Variants in RNASET2 observed in about 807,000 individuals in gnomAD.
The protein encoded by RNASET2 is ribonuclease T2, also known as ribonuclease 6.
Under a neutral mutation model 33.9 loss-of-function variants are expected in RNASET2, and 28 were observed. That is an observed-to-expected ratio of 0.83 (90% CI 0.61 to 1.13). RNASET2 has a LOEUF of 1.13. Among genes scored for constraint, RNASET2 ranks in the 50% most tolerant of loss-of-function variants. The pLI is 0.00. For synonymous variants in RNASET2, 123 were observed against 121.0 expected (o/e 1.02, Z -0.11); for missense variants, 330 against 319.9 (o/e 1.03, Z -0.24).
At chr6:166,952,205 C>T (rs1382106531) in intron 2 of RNASET2, among the ~76,000 whole-genome samples, 1 of 152,228 alleles carries the variant, frequency 6.6e-6, no homozygotes, top group Non-Finnish European at 1.5e-5. Context: ...CAGGAGGAAC[C>T]AACCCTTCTG....
Position 166,926,836 on chromosome 6 carries a change from CGGGTCCTCTTTTCCAT to C in RNASET2, c.*2736_*2751del, listed in dbSNP as rs947169358. 6.6e-6 allele frequency among the ~76,000 whole-genome samples: 1 copy of C among 152,192 alleles called. No homozygotes were observed. Among genetic ancestry groups the C allele is most frequent in the Non-Finnish European group, 1.5e-5 (1 of 68,036 alleles). On this transcript the variant is annotated 3_prime_UTR_variant, in exon 9 of 9. Coordinates refer to ENST00000508775, the MANE Select transcript of RNASET2 (RefSeq NM_003730.6). ...CCACTCATCCCTGTGGCCTAGTCCA[CGGGTCCTCTTTTCCAT>C]GGTGCCGCAGAGATGCTCCAGGCAG...
intron 8 of RNASET2, 101 bp from the exon 9 acceptor site, chr6:166,929,892 C>A: frequency 1.8e-6 from 2 of 1,129,326 alleles, no homozygotes; most frequent in Non-Finnish European, 2.6e-6. Context: ...ATAACAAAAG[C>A]AGAGGCTCCA....
intron 8 of RNASET2, among the ~76,000 whole-genome samples, chr6:166,930,482 C>G (rs572852016): frequency 1.3e-5 from 2 of 149,788 alleles, no homozygotes; most frequent in East Asian, 3.9e-4. Flanking sequence ...CACACACACA[C>G]GCACATGCCC....
chr6:166,936,787 C>T (rs150619087), intron 6 of RNASET2, among the ~76,000 whole-genome samples: 60 of 152,364 alleles, frequency 3.9e-4, no homozygotes, highest in African/African-American at 1.3e-3. Flanking sequence ...CAAACCATAG[C>T]AGGAAAGCTA....
chr6:166,929,246 G>A lies in RNASET2; in HGVS notation c.*342C>T, dbSNP rs1778361073. Reference sequence around the variant, plus strand: ...GCGCCAAGAAGGCAACAGGCTCCGAGGGGAAAACTCGAGCAAGAGAGTCCC... The same window carrying A: ...GCGCCAAGAAGGCAACAGGCTCCGAAGGGAAAACTCGAGCAAGAGAGTCCC... On this transcript the variant is annotated 3_prime_UTR_variant, in exon 9 of 9. Coordinates refer to ENST00000508775, the MANE Select transcript of RNASET2 (RefSeq NM_003730.6). 2.6e-5 allele frequency among the ~76,000 whole-genome samples: 4 copies of A among 152,210 alleles called. No individual in the cohort carries two copies. Among genetic ancestry groups the A allele is most frequent in the Admixed American group, 2.6e-4 (4 of 15,286 alleles).
rs1434152025 is a variant in RNASET2, at chr6:166,931,051, G to C, written c.560C>G (p.Pro187Arg). ...AAAACATAACTGTCTAACCTGGCTTGGTGGAAGGCACTGGATTTTGGGTAT... is the reference window on the plus strand; with the variant it reads ...AAAACATAACTGTCTAACCTGGCTTCGTGGAAGGCACTGGATTTTGGGTAT... Reference protein sequence around the residue: ...GVIPKIQCLPPSQDEEVQTIG... With the variant: ...GVIPKIQCLPRSQDEEVQTIG... Residue 187 changes from proline to arginine, a missense_variant, in exon 8 of 9, where the codon CCA (proline) becomes CGA (arginine). Transcript: ENST00000508775. 1 of 1,609,518 alleles carries C rather than the reference G, an allele frequency of 6.2e-7. No homozygotes were observed. The highest frequency in any genetic ancestry group is 1.3e-5 in the African/African-American group (1 of 74,798).
At chr6:166,930,864 G>GCACATGCACACATGCATGTACACACA (rs1307751388) in intron 8 of RNASET2, among the ~76,000 whole-genome samples, 180 bp downstream of exon 8, 14 of 148,152 alleles carry the variant, frequency 9.4e-5, no homozygotes, top group Admixed American at 7.4e-4. Context: ...TGCACACACA[G>GCACATGCACACATGCATGTACACACA]CACATGCACA....
intron 8 of RNASET2, among the ~76,000 whole-genome samples, chr6:166,930,623 G>A (rs1463938675): frequency 2.1e-5 from 3 of 139,734 alleles, no homozygotes; most frequent in African/African-American, 2.7e-5. Flanking sequence ...TGCACACACA[G>A]CACATGCCCA....
In RNASET2 at chr6:166,927,732, A is replaced by AAAAAAAAAAAAAAT. The variant is rs1273075849; in HGVS notation, c.*1855_*1856insATTTTTTTTTTTTT. 6.6e-6 allele frequency among the ~76,000 whole-genome samples: 1 copy of AAAAAAAAAAAAAAT among 151,640 alleles called. No individual in the cohort carries two copies. The highest frequency in any genetic ancestry group is 6.6e-5 in the Admixed American group (1 of 15,226). ...ATGACTCAAAAAAAAAAAAAAAAAAAAAAAGAATTGACATCATTTAAAGGA... is the reference window on the plus strand; with the variant it reads ...ATGACTCAAAAAAAAAAAAAAAAAAAAAAAAAAAAAAAATAAAAGAATTGACATCATTTAAAGGA... On this transcript the variant is annotated 3_prime_UTR_variant, in exon 9 of 9. Coordinates refer to ENST00000508775, the MANE Select transcript of RNASET2 (RefSeq NM_003730.6).
At chr6:166,949,827 G>A (rs1778940026) in intron 2 of RNASET2, among the ~76,000 whole-genome samples, 1 of 152,188 alleles carries the variant, frequency 6.6e-6, no homozygotes, top group Non-Finnish European at 1.5e-5. Context: ...CCTGCATGGA[G>A]CTGTGGGAGA....
intron 7 of RNASET2, chr6:166,932,955 T>G (rs186771697): frequency 1.3e-5 from 2 of 152,224 alleles, no homozygotes; most frequent in Admixed American, 1.3e-4. Context: ...CTTCCTCAAG[T>G]CCACTGCTCC....
chr6:166,938,826 C>T (rs754111840), intron 6 of RNASET2, 69 bp downstream of exon 6: 1 of 1,106,812 alleles, frequency 9.0e-7, no homozygotes, highest in Middle Eastern at 2.0e-4. Context: ...CCCCTGGATC[C>T]AGCTGTCAGG....
chr6:166,931,774 A>C (rs927972135), intron 7 of RNASET2: 1 of 156,144 alleles, frequency 6.4e-6, no homozygotes, highest in African/African-American at 2.4e-5. Flanking sequence ...TTTGGGGGGC[A>C]CCAAGCTGGG....
intron 2 of RNASET2, among the ~76,000 whole-genome samples, chr6:166,951,091 A>C (rs1778973402): frequency 6.6e-6 from 1 of 152,190 alleles, no homozygotes; most frequent in African/African-American, 2.4e-5. Flanking sequence ...AAGGAGTGTG[A>C]GTCATCTCCA....
Position 166,924,922 on chromosome 6 carries a change from A to T in RNASET2, c.*4666T>A, listed in dbSNP as rs568274883. Among the ~76,000 whole-genome samples, 8 of 152,260 alleles carry T rather than the reference A, an allele frequency of 5.3e-5. No individual in the cohort carries two copies. ...GGCGGCTCATAGGAAGGGTTGAAAA[A>T]AGTGTGGAATGAATCAATAAACAGC... On this transcript the variant is annotated 3_prime_UTR_variant, in exon 9 of 9. Transcript: ENST00000508775.
chr6:166,940,648 T>C (rs940147205), intron 5 of RNASET2, among the ~76,000 whole-genome samples: 1 of 152,180 alleles, frequency 6.6e-6, no homozygotes, highest in African/African-American at 2.4e-5. Flanking sequence ...TCAGCCATCA[T>C]TATTCCTGGA....
rs143517894 is a variant in RNASET2 at position 166,938,764 on chromosome 6, C to T, written c.446+131G>A. On this transcript the variant is annotated intron_variant, in intron 6 of 8. Transcript: ENST00000508775. ...ATTCCTCAGGAATGATCCCAGTAGC[C>T]GAATAGTGCACATGCAGAAGCTGCT... The T allele has an allele frequency of 3.3e-3, 2,578 of 775,176 alleles. 7 individuals are homozygous for T. Among genetic ancestry groups the T allele is most frequent in the Non-Finnish European group, 4.6e-3 (1,919 of 418,062 alleles). The allele number at this position is 775,176 out of a possible 1,614,324, so 48.0% of individuals were successfully genotyped here.
At chr6:166,955,320 C>G (rs1222610438) in intron 1 of RNASET2, among the ~76,000 whole-genome samples, 2 of 48,076 alleles carry the variant, frequency 4.2e-5, no homozygotes, top group African/African-American at 1.6e-4. Context: ...CACACACGCA[C>G]ACACACGCAC....
chr6:166,937,535 TA>T (rs1471717740), intron 6 of RNASET2, among the ~76,000 whole-genome samples: 3 of 152,234 alleles, frequency 2.0e-5, no homozygotes, highest in African/African-American at 7.2e-5. Context: ...CTTCCTTTAT[TA>T]AAAACCTAAG....
Sources: allele counts gnomAD v4.1 joint callset (sites outside exome capture counted in the v4.1 genomes callset), GRCh38; gene constraint gnomAD v4.1.1; transcripts MANE v1.5; gene names NCBI Gene and HGNC (gene_info 2026-07-23, HGNC 2026-07-21).